ZNF697: variants seen among roughly 807,000 people sequenced by gnomAD.
ZNF697 encodes the protein zinc finger protein 697.
ZNF697 carries 23 observed loss-of-function variants against 32.4 expected under a neutral mutation model. The ratio of observed to expected loss-of-function variants is 0.71; its 90% CI spans 0.51 to 1.01. The LOEUF (loss-of-function observed/expected upper bound fraction) is 1.01, where lower values mean the gene tolerates loss of function less well. ZNF697 is among the 50% of genes least tolerant of loss of function. ZNF697 has a pLI of 0.00. For synonymous variants in ZNF697, 418 were observed against 337.2 expected, an observed-to-expected ratio of 1.24 and a Z score of -2.62; for missense variants, 930 against 794.0, an observed-to-expected ratio of 1.17 and a Z score of -2.06.
chr1:119,637,411 A>G (rs347905), intron 1 of ZNF697, among the ~76,000 whole-genome samples: 26,811 of 152,238 alleles, frequency 0.18, 2,925 homozygotes, highest in African/African-American at 0.32. Context: ...GCACCACTCC[A>G]AGTACATTTT....
At chr1:119,627,976 T>C (rs1037929977) in intron 1 of ZNF697, among the ~76,000 whole-genome samples, 1 of 148,442 alleles carries the variant, frequency 6.7e-6, no homozygotes, top group African/African-American at 2.5e-5. Flanking sequence ...GCATATATAA[T>C]ACACCTGAAA....
At chr1:119,639,609 T>G (rs1194545306) in intron 1 of ZNF697, among the ~76,000 whole-genome samples, 2 of 151,642 alleles carry the variant, frequency 1.3e-5, no homozygotes, top group African/African-American at 4.9e-5. Context: ...CCAGGCATAG[T>G]GGCTCACGCC....
At position 119,623,713 on chromosome 1, in the gene ZNF697, A is replaced by G; in HGVS notation, c.630T>C (p.Ile210=). 6.6e-7 allele frequency: 1 copy of G among 1,515,186 alleles called. No individual in the cohort carries two copies. The highest frequency in any genetic ancestry group is 8.8e-7 in the Non-Finnish European group (1 of 1,130,898). 93.9% of individuals were successfully genotyped at this position (1,515,186 alleles called of 1,614,324 possible). The part of the protein sequence containing the change: ...PGAAFLQHQR[I]HRLAEAAAAA... ...CGGCAGCGGCCTCAGCCAGGCGGTG[A>G]ATGCGCTGGTGCTGCAGGAAGGCGG... is the stretch of plus-strand genomic sequence containing the variant. The change falls in exon 3 of 3, where the codon ATT becomes ATC. Residue 210 remains isoleucine (I), a synonymous_variant. Coordinates refer to ENST00000421812, the MANE Select transcript of ZNF697 (RefSeq NM_001080470.2).
rs1553227460 is a variant in ZNF697, at chr1:119,620,199, T to A, written c.*2506A>T. ...ATCAACGTAGCAGCTGACTTTTTTA[T>A]CCATGGTAATAGAAATAATGAGAGA... On this transcript the variant is annotated 3_prime_UTR_variant, in exon 3 of 3. Coordinates refer to ENST00000421812, the MANE Select transcript of ZNF697 (RefSeq NM_001080470.2). 6.6e-6 allele frequency: 1 copy of A among 152,580 alleles called. No homozygotes were observed. The highest frequency in any genetic ancestry group is 1.5e-5 in the Non-Finnish European group (1 of 68,034). The allele number at this position is 152,580 out of a possible 1,614,324, so 9.5% of individuals were successfully genotyped here.
In ZNF697 at chr1:119,623,665, G is replaced by A; in HGVS notation, c.678C>T (p.Gly226=). ...AAAAASLEPF[G]LAGECDAMVG... ...CCATCGCGTCGCACTCGCCCGCCAG[G>A]CCGAAGGGCTCCAGGCTGGCGGCGG... Residue 226 remains glycine (G), a synonymous_variant, in exon 3 of 3, where the codon GGC becomes GGT. Transcript: ENST00000421812. The A allele has an allele frequency of 6.6e-7, 1 of 1,511,534 alleles. No homozygotes were observed. The highest frequency in any genetic ancestry group is 2.5e-5 in the East Asian group (1 of 39,536). 93.6% of individuals were successfully genotyped at this position (1,511,534 alleles called of 1,614,324 possible). A position where few individuals can be genotyped will look rare whatever the true frequency, so the allele number is the denominator to read the frequency against.
chr1:119,631,266 T>C (rs1026721281), intron 1 of ZNF697, among the ~76,000 whole-genome samples: 1 of 152,192 alleles, frequency 6.6e-6, no homozygotes, highest in Non-Finnish European at 1.5e-5. Context: ...GCGGAGGCGG[T>C]GTCTCCTTGG....
rs184563756 is a variant in ZNF697 at position 119,631,241 on chromosome 1, G to T, written c.-37-5104C>A. On this transcript the variant is annotated intron_variant, in intron 1 of 2. Transcript: ENST00000421812. ...GACCCCAAGCTGTCACGCGGCCCCT[G>T]GCGTGGATGGCACCGCGGAGGCGGT... is the stretch of plus-strand genomic sequence containing the variant. Among the ~76,000 whole-genome samples, 144 of 152,346 alleles carry T rather than the reference G, an allele frequency of 9.5e-4. 2 individuals carry two copies. Among genetic ancestry groups the T allele is most frequent in the Admixed American group, 9.3e-3 (143 of 15,314 alleles).
Position 119,623,935 on chromosome 1 carries a change from C to A in ZNF697, c.408G>T (p.Pro136=). ...ENRLEEEEEQ[P]APPVLPWRRH... Reference sequence around the variant, plus strand: ...GCCTCCAGGGAAGTACGGGAGGGGCCGGCTGCTCCTCTTCCTCCTCCAGCC... The same window carrying A: ...GCCTCCAGGGAAGTACGGGAGGGGCAGGCTGCTCCTCTTCCTCCTCCAGCC... Residue 136 remains proline (P), a synonymous_variant, in exon 3 of 3, where the codon CCG becomes CCT. Transcript: ENST00000421812. 1 of 1,590,434 alleles carries A rather than the reference C, an allele frequency of 6.3e-7. No individual in the cohort carries two copies. The highest frequency in any genetic ancestry group is 8.6e-7 in the Non-Finnish European group (1 of 1,168,658).
chr1:119,628,073 C>T (rs1268902308), intron 1 of ZNF697, among the ~76,000 whole-genome samples: 1 of 75,964 alleles, frequency 1.3e-5, no homozygotes, highest in African/African-American at 5.7e-5. Flanking sequence ...GGGCGGGGGG[C>T]GGGGGGAGTT....
chr1:119,628,006 G>A (rs1461294787), intron 1 of ZNF697, among the ~76,000 whole-genome samples: 1 of 143,486 alleles, frequency 7.0e-6, no homozygotes, highest in African/African-American at 2.6e-5. Flanking sequence ...CAAGAGTAGT[G>A]TCATTAAACA....
At position 119,623,717 on chromosome 1, in the gene ZNF697, C is replaced by T. The variant is rs1648459698; in HGVS notation, c.626G>A (p.Arg209His). The change falls in exon 3 of 3, where the codon CGC becomes CAC. Residue 209 changes from arginine (R) to histidine (H), a missense_variant. Transcript: ENST00000421812. ...AGCGGCCTCAGCCAGGCGGTGAATG[C>T]GCTGGTGCTGCAGGAAGGCGGCGCC... The part of the protein sequence containing the change: ...SPGAAFLQHQ[R>H]IHRLAEAAAA... The T allele has an allele frequency of 3.3e-6, 5 of 1,523,994 alleles. No individual in the cohort carries two copies. In the East Asian group the frequency reaches 7.3e-5, roughly 22 times the overall value. 94.4% of individuals were successfully genotyped at this position (1,523,994 alleles called of 1,614,324 possible).
rs1304099652 is a variant in ZNF697, at chr1:119,624,065, T to A, written c.278A>T (p.Asp93Val). ...EGVSVRGEEDDQSGVADMAMF... is the reference protein window; with the variant it reads ...EGVSVRGEEDVQSGVADMAMF... ...CGCCATGTCAGCTACACCGGATTGG[T>A]CATCCTCTTCCCCACGGACAGAAAC... The change falls in exon 3 of 3, where the codon GAC becomes GTC. Residue 93 changes from aspartate (D) to valine (V), a missense_variant. Physicochemically the swap from Asp to Val is radical, Grantham distance 152 (BLOSUM62 -3). Coordinates refer to ENST00000421812, the MANE Select transcript of ZNF697 (RefSeq NM_001080470.2). The A allele has an allele frequency of 6.2e-7, 1 of 1,604,382 alleles. No individual in the cohort carries two copies.
chr1:119,631,567 A>G (rs1236991728), intron 1 of ZNF697, among the ~76,000 whole-genome samples: 1 of 151,908 alleles, frequency 6.6e-6, no homozygotes, highest in Non-Finnish European at 1.5e-5. Flanking sequence ...CCAGTTCCAG[A>G]GCAGATCACT....
chr1:119,633,401 G>T (rs1486184210), intron 1 of ZNF697, among the ~76,000 whole-genome samples: 79 of 149,770 alleles, frequency 5.3e-4, no homozygotes, highest in African/African-American at 1.6e-3. Flanking sequence ...TGTATAGAGA[G>T]AGAGAGAGAG....
Position 119,624,133 on chromosome 1 carries a change from T to A in ZNF697, c.227-17A>T. On this transcript the variant is annotated splice_polypyrimidine_tract_variant and intron_variant, in intron 2 of 2. Coordinates refer to ENST00000421812, the MANE Select transcript of ZNF697 (RefSeq NM_001080470.2). ...GCTGCCCCTCTGCAACAGAAAAAGG[T>A]GGCAGTGGGGGATTACTATACTTGG... The A allele has an allele frequency of 1.3e-6, 2 of 1,539,672 alleles. No homozygotes were observed. Among genetic ancestry groups the A allele is most frequent in the Non-Finnish European group, 1.8e-6 (2 of 1,141,296 alleles).
rs1648423959 is a variant in ZNF697, at chr1:119,623,311, G to C, written c.1032C>G (p.Gly344=). The change falls in exon 3 of 3, where the codon GGC becomes GGG. Residue 344 remains glycine, a synonymous_variant. Coordinates refer to ENST00000421812, the MANE Select transcript of ZNF697 (RefSeq NM_001080470.2). ...AGGGCCGCAGCGCCGCCGCCCCCGC[G>C]CCGCTGGCCGCCGCGTGCGCGCGCC... ...SHRRAHAAAS[G]AGAAALRPFA... The C allele has an allele frequency of 7.7e-7, 1 of 1,298,426 alleles. No individual in the cohort carries two copies. The highest frequency in any genetic ancestry group is 1.6e-5 in the African/African-American group (1 of 61,618). The allele number at this position is 1,298,426 out of a possible 1,614,324, so 80.4% of individuals were successfully genotyped here.
rs756488029 is a variant in ZNF697, at chr1:119,625,887, C to T, written c.214G>A (p.Asp72Asn). ...GCTTTCTCCTCACCTGTGCAGATGT[C>T]GGGCACTGCTTCCCTGTGCCTTGAG... ...QDSRHREAVPDICTEGQLSEE... is the reference protein window; with the variant it reads ...QDSRHREAVPNICTEGQLSEE... The change falls in exon 2 of 3, where the codon GAC (aspartate) becomes AAC (asparagine). Residue 72 changes from aspartate to asparagine, a missense_variant. Coordinates refer to ENST00000421812, the MANE Select transcript of ZNF697 (RefSeq NM_001080470.2). The T allele has an allele frequency of 2.0e-5, 32 of 1,613,486 alleles. No homozygotes were observed. The highest frequency in any genetic ancestry group is 1.7e-4 in the Middle Eastern group (1 of 5,866).
chr1:119,620,084 A>G lies in ZNF697; in HGVS notation c.*2621T>C, dbSNP rs1318922148. 1 of 152,646 alleles carries G rather than the reference A, an allele frequency of 6.6e-6. No homozygotes were observed. The highest frequency in any genetic ancestry group is 2.4e-5 in the African/African-American group (1 of 41,450). The allele number at this position is 152,646 out of a possible 1,614,324, so 9.5% of individuals were successfully genotyped here. The stretch of plus-strand genomic sequence containing the variant: ...AAGTTCCCTGAAGAATTGTAAGAAA[A>G]AATGGAATCACATTTTAAATGCACC... On this transcript the variant is annotated 3_prime_UTR_variant, in exon 3 of 3. Coordinates refer to ENST00000421812, the MANE Select transcript of ZNF697 (RefSeq NM_001080470.2).
At chr1:119,642,699 C>T (rs1348896704) in intron 1 of ZNF697, among the ~76,000 whole-genome samples, 3 of 152,138 alleles carry the variant, frequency 2.0e-5, no homozygotes, top group South Asian at 4.1e-4. Flanking sequence ...ATTCATTCAA[C>T]AAATATTTAT....
Sources: gnomAD v4.1 joint callset for allele counts (sites outside exome capture counted in the v4.1 genomes callset) on GRCh38, gnomAD v4.1.1 for gene constraint, MANE v1.5 for transcripts, NCBI Gene and HGNC (gene_info 2026-07-23, HGNC 2026-07-21) for gene names.